USP34: variants seen among roughly 807,000 people sequenced by gnomAD.
The protein encoded by USP34 is ubiquitin carboxyl-terminal hydrolase 34.
USP34 carries 70 observed loss-of-function variants against 460.3 expected under a neutral mutation model. The ratio of observed to expected loss-of-function variants is 0.15; its 90% CI spans 0.13 to 0.19. The LOEUF (loss-of-function observed/expected upper bound fraction) is 0.19. USP34 is among the 10% of genes least tolerant of loss of function. The pLI is 1.00. For synonymous variants in USP34, 1,647 were observed against 1,405.3 expected (o/e 1.17, Z -3.85); for missense variants, 3,985 against 4,236.2 (o/e 0.94, Z 1.65).
At chr2:61,421,491 C>T (rs1162757062) in intron 1 of USP34, among the ~76,000 whole-genome samples, 1 of 152,208 alleles carries the variant, frequency 6.6e-6, no homozygotes, top group Non-Finnish European at 1.5e-5. Flanking sequence ...CTTTTACCTT[C>T]TTTGGCTGGT....
At chr2:61,273,795 A>C (rs1689290821) in intron 41 of USP34, among the ~76,000 whole-genome samples, 1 of 152,196 alleles carries the variant, frequency 6.6e-6, no homozygotes, top group Non-Finnish European at 1.5e-5. Context: ...GAACAAACAA[A>C]TCAATAAGAT....
At chr2:61,433,362 G>T (rs549124898) in intron 1 of USP34, among the ~76,000 whole-genome samples, 1 of 152,290 alleles carries the variant, frequency 6.6e-6, no homozygotes, top group South Asian at 2.1e-4. Context: ...GGCCAGGTGC[G>T]GTGGCTCATG....
chr2:61,187,464 GAA>G lies in USP34; in HGVS notation c.*636_*637del, dbSNP rs1322767314. On this transcript the variant is annotated 3_prime_UTR_variant, in exon 80 of 80. Transcript: ENST00000398571. ...ACTGAAGCAACGTATGTAAACAAAT[GAA>G]AAGTCATCACAATCAGTTTAATTAA... 1 of 985,770 alleles carries G rather than the reference GAA, an allele frequency of 1.0e-6. No individual in the cohort carries two copies. The highest frequency in any genetic ancestry group is 1.2e-6 in the Non-Finnish European group (1 of 829,962). 61.1% of individuals were successfully genotyped at this position (985,770 alleles called of 1,614,324 possible). A position where few individuals can be genotyped will look rare whatever the true frequency, so the allele number is the denominator to read the frequency against.
At chr2:61,295,827 T>C (rs982669729) in intron 30 of USP34, among the ~76,000 whole-genome samples, 7 of 152,226 alleles carry the variant, frequency 4.6e-5, no homozygotes, top group Admixed American at 1.3e-4. Context: ...TCTTGTGAGA[T>C]ATTGGCTCTC....
chr2:61,205,993 G>T, intron 72 of USP34, 24 bp downstream of exon 72: 1 of 1,546,668 alleles, frequency 6.5e-7, no homozygotes, highest in South Asian at 1.1e-5. Context: ...GTTTTTACAC[G>T]GGTGAATTTT....
In USP34 at chr2:61,236,212, A is replaced by G. The variant is rs773686505; in HGVS notation, c.6867T>C (p.Cys2289=). Residue 2289 remains cysteine (C), a synonymous_variant, in exon 55 of 80, where the codon TGT becomes TGC. Transcript: ENST00000398571. ...YFGFMWQLCS[C]IPSTLPDPKA... ...TAGGATCTGGTAATGTACTGGGAATACAACTACACAATTGCCACATAAATC... is the reference window on the plus strand; with the variant it reads ...TAGGATCTGGTAATGTACTGGGAATGCAACTACACAATTGCCACATAAATC... 1 of 1,611,354 alleles carries G rather than the reference A, an allele frequency of 6.2e-7. No homozygotes were observed. Among genetic ancestry groups the G allele is most frequent in the Admixed American group, 1.7e-5 (1 of 59,648 alleles).
At chr2:61,288,922 AG>A (rs1306458691) in intron 33 of USP34, 45 bp from the exon 34 acceptor site, 1 of 1,582,284 alleles carries the variant, frequency 6.3e-7, no homozygotes, top group South Asian at 1.1e-5. Context: ...TCATTAATTT[AG>A]AATGGCCACA....
rs953147265 is a variant in USP34 at position 61,204,400 on chromosome 2, C to A, written c.9260-20G>T. 10 of 1,613,634 alleles carry A rather than the reference C, an allele frequency of 6.2e-6. No homozygotes were observed. Among genetic ancestry groups the A allele is most frequent in the Non-Finnish European group, 7.6e-6 (9 of 1,179,910 alleles). On this transcript the variant is annotated intron_variant, in intron 73 of 79. Transcript: ENST00000398571. ...GAGACACTAAGATATTAAAAGTGTA[C>A]AGTAAGAATAAATGGAAAAAATAAA... is the stretch of plus-strand genomic sequence containing the variant.
intron 1 of USP34, among the ~76,000 whole-genome samples, chr2:61,424,803 A>AAG: frequency 1.3e-5 from 2 of 151,442 alleles, no homozygotes; most frequent in East Asian, 2.0e-4. Flanking sequence ...AAAGGAGTTC[A>AAG]GGAAATCCAA....
chr2:61,194,079 G>A, intron 75 of USP34: 1 of 982,752 alleles, frequency 1.0e-6, no homozygotes, highest in Non-Finnish European at 1.2e-6. Context: ...GGCAGCATGT[G>A]GGTTGTAATT....
intron 1 of USP34, among the ~76,000 whole-genome samples, chr2:61,467,482 A>AT: frequency 6.6e-6 from 1 of 151,694 alleles, no homozygotes; most frequent in East Asian, 2.0e-4. Context: ...CTAATTACGT[A>AT]TTTTTCAGCA....
chr2:61,195,970 G>A (rs374417212), intron 75 of USP34, among the ~76,000 whole-genome samples: 2 of 149,380 alleles, frequency 1.3e-5, no homozygotes, highest in African/African-American at 2.5e-5. Flanking sequence ...ACAGTGGCAC[G>A]ATCTCAGCTC....
chr2:61,353,612 G>A (rs1360557905), intron 10 of USP34, among the ~76,000 whole-genome samples: 1 of 148,982 alleles, frequency 6.7e-6, no homozygotes, highest in African/African-American at 2.5e-5. Context: ...TGTATTTTTA[G>A]TGAAGACAGG....
At chr2:61,246,271 A>C in intron 50 of USP34, 53 bp downstream of exon 50, 1 of 1,364,022 alleles carries the variant, frequency 7.3e-7, no homozygotes, top group Non-Finnish European at 9.6e-7. Context: ...CTGAAAACAT[A>C]TCAGAAAACT....
intron 5 of USP34, among the ~76,000 whole-genome samples, chr2:61,386,999 C>A (rs1174681091): frequency 6.6e-6 from 1 of 152,116 alleles, no homozygotes; most frequent in Non-Finnish European, 1.5e-5. Context: ...CAAAACACTT[C>A]TACCTAAAAA....
chr2:61,415,513 A>G (rs1330267054), intron 2 of USP34, among the ~76,000 whole-genome samples: 1 of 152,232 alleles, frequency 6.6e-6, no homozygotes, highest in Non-Finnish European at 1.5e-5. Context: ...AAATCCTTAT[A>G]TATCATAACT....
chr2:61,353,256 T>C (rs1360512455), intron 10 of USP34, among the ~76,000 whole-genome samples: 1 of 152,182 alleles, frequency 6.6e-6, no homozygotes, highest in Non-Finnish European at 1.5e-5. Context: ...TGCCATTGTT[T>C]CAACACAAAC....
At position 61,196,104 on chromosome 2, in the gene USP34, G is replaced by C. The variant is rs1013830985; in HGVS notation, c.9509-3124C>G. Reference sequence around the variant, plus strand: ...TTTTTTTTTTTTTTTTTTTTGAGACGGAGTCTCGCTTTGTCGCACAGGCTG... The same window carrying C: ...TTTTTTTTTTTTTTTTTTTTGAGACCGAGTCTCGCTTTGTCGCACAGGCTG... On this transcript the variant is annotated intron_variant, in intron 75 of 79. Coordinates refer to ENST00000398571, the MANE Select transcript of USP34 (RefSeq NM_014709.4). Among the ~76,000 whole-genome samples the C allele has an allele frequency of 4.5e-5, 2 of 44,032 alleles. 1 individual carries two copies. Among genetic ancestry groups the C allele is most frequent in the African/African-American group, 1.7e-4 (2 of 11,924 alleles). 28.9% of individuals were successfully genotyped at this position (44,032 alleles called of 152,430 possible).
chr2:61,189,586 TA>T (rs1686563748), intron 78 of USP34: 1 of 152,572 alleles, frequency 6.6e-6, no homozygotes, highest in East Asian at 1.9e-4. Context: ...CATTAGTTCT[TA>T]AAGTCACTAA....
Sources: allele counts gnomAD v4.1 joint callset (sites outside exome capture counted in the v4.1 genomes callset), GRCh38; gene constraint gnomAD v4.1.1; transcripts MANE v1.5; gene names NCBI Gene and HGNC (gene_info 2026-07-23, HGNC 2026-07-21).